Variants in PKIA observed in about 807,000 individuals in gnomAD.
PKIA encodes the protein PKI-alpha.
A neutral mutation model predicts 7.6 loss-of-function variants in PKIA; 4 were observed. That is an observed-to-expected ratio of 0.52 (90% CI 0.26 to 1.20). The LOEUF (loss-of-function observed/expected upper bound fraction) is 1.20, where lower values mean the gene tolerates loss of function less well. PKIA is among the 50% of genes most tolerant of loss of function. The probability of loss-of-function intolerance (pLI) is 0.13; values close to 1 mark genes in which losing one functional copy is unlikely to be tolerated. For missense variants in PKIA, 73 were observed against 86.2 expected (o/e 0.85, Z 0.61); for synonymous variants, 21 against 30.7 (o/e 0.68, Z 1.04).
At chr8:78,565,728 T>G (rs572497024) in intron 1 of PKIA, among the ~76,000 whole-genome samples, 2 of 152,054 alleles carry the variant, frequency 1.3e-5, no homozygotes, top group East Asian at 3.9e-4. Flanking sequence ...ATAATGTTTA[T>G]AGTTTCTTTT....
chr8:78,520,271 G>A (rs1293586408), intron 1 of PKIA, among the ~76,000 whole-genome samples: 1 of 152,160 alleles, frequency 6.6e-6, no homozygotes. Context: ...TATACTGAGA[G>A]TACATTCAAA....
intron 2 of PKIA, among the ~76,000 whole-genome samples, chr8:78,592,197 T>C (rs915632867): frequency 6.6e-6 from 1 of 152,110 alleles, no homozygotes; most frequent in Non-Finnish European, 1.5e-5. Context: ...AAAAGCACTA[T>C]AATCATAGAG....
chr8:78,521,873 T>C (rs1356211205), intron 1 of PKIA, among the ~76,000 whole-genome samples: 1 of 151,940 alleles, frequency 6.6e-6, no homozygotes, highest in Non-Finnish European at 1.5e-5. Flanking sequence ...GTTCATTTCC[T>C]CAGCCCCTGG....
chr8:78,594,331 A>T (rs1033138548), intron 2 of PKIA, among the ~76,000 whole-genome samples: 1 of 152,038 alleles, frequency 6.6e-6, no homozygotes, highest in African/African-American at 2.4e-5. Context: ...TTATTCTAAA[A>T]CATACCATGT....
At chr8:78,585,761 ATACT>A (rs1006872650) in intron 2 of PKIA, among the ~76,000 whole-genome samples, 9 of 152,182 alleles carry the variant, frequency 5.9e-5, no homozygotes, top group African/African-American at 2.2e-4. Context: ...TGTACAGAAA[ATACT>A]TGCTTGCAGA....
chr8:78,603,041 T>A lies in PKIA; in HGVS notation c.*1220T>A, dbSNP rs922116354. 6 of 152,570 alleles carry A rather than the reference T, an allele frequency of 3.9e-5. No individual in the cohort carries two copies. In the Admixed American group the frequency reaches 3.9e-4, roughly 10 times the overall value. The allele number at this position is 152,570 out of a possible 1,614,324, so 9.5% of individuals were successfully genotyped here. On this transcript the variant is annotated 3_prime_UTR_variant, in exon 4 of 4. Transcript: ENST00000396418. Reference sequence around the variant, plus strand: ...ATAATTAGTGTGAATTGCATTCTGATACAATAATGATTATCATTAGAAGCT... The same window carrying A: ...ATAATTAGTGTGAATTGCATTCTGAAACAATAATGATTATCATTAGAAGCT...
intron 2 of PKIA, among the ~76,000 whole-genome samples, chr8:78,579,141 C>T (rs973273863): frequency 6.6e-6 from 1 of 151,970 alleles, no homozygotes; most frequent in African/African-American, 2.4e-5. Context: ...CTGGATCCCT[C>T]TACCTCTCAC....
At chr8:78,586,761 T>G (rs1306374659) in intron 2 of PKIA, among the ~76,000 whole-genome samples, 3 of 152,134 alleles carry the variant, frequency 2.0e-5, no homozygotes, top group Admixed American at 2.0e-4. Flanking sequence ...GTGAAGGAAG[T>G]TTATACCCCA....
In PKIA at chr8:78,591,919, C is replaced by T. The variant is rs117953962; in HGVS notation, c.-27-6439C>T. 3.5e-3 allele frequency among the ~76,000 whole-genome samples: 527 copies of T among 152,190 alleles called. 2 individuals are homozygous for T. Among genetic ancestry groups the T allele is most frequent in the Middle Eastern group, 6.8e-3 (2 of 294 alleles). On this transcript the variant is annotated intron_variant, in intron 2 of 3. Coordinates refer to ENST00000396418, the MANE Select transcript of PKIA (RefSeq NM_006823.4). ...GCTAGTTGCTGGTCTACTAAACTTC[C>T]GTCTGCTGCTGACATTTATTTGACT...
intron 1 of PKIA, among the ~76,000 whole-genome samples, chr8:78,540,671 C>T (rs1470842114): frequency 6.6e-6 from 1 of 151,788 alleles, no homozygotes; most frequent in Non-Finnish European, 1.5e-5. Flanking sequence ...GCAGGGACTT[C>T]TTTCAGTTGT....
At chr8:78,568,816 G>T (rs531061913) in intron 1 of PKIA, among the ~76,000 whole-genome samples, 1 of 152,260 alleles carries the variant, frequency 6.6e-6, no homozygotes, top group African/African-American at 2.4e-5. Flanking sequence ...AAACCCTAAT[G>T]AAACCATAGG....
At chr8:78,596,817 T>C (rs1284245848) in intron 2 of PKIA, among the ~76,000 whole-genome samples, 3 of 152,222 alleles carry the variant, frequency 2.0e-5, no homozygotes, top group African/African-American at 7.2e-5. Context: ...CATTTAAGTC[T>C]TTAATCAATT....
chr8:78,520,173 C>T (rs1001607522), intron 1 of PKIA, among the ~76,000 whole-genome samples: 8 of 152,134 alleles, frequency 5.3e-5, no homozygotes, highest in African/African-American at 1.9e-4. Context: ...AATCTATCTA[C>T]CTACACTCCT....
intron 1 of PKIA, chr8:78,534,167 T>C (rs1407602207): frequency 1.3e-5 from 2 of 152,096 alleles, no homozygotes; most frequent in Non-Finnish European, 1.5e-5. Context: ...ATTAGGTTAT[T>C]CCAGTGATAA....
chr8:78,551,699 A>T (rs1806987294), intron 1 of PKIA, among the ~76,000 whole-genome samples: 1 of 151,980 alleles, frequency 6.6e-6, no homozygotes, highest in African/African-American at 2.4e-5. Flanking sequence ...ATCTGAAGGG[A>T]GTGTCAACAC....
intron 1 of PKIA, among the ~76,000 whole-genome samples, chr8:78,529,438 C>G (rs1426547426): frequency 6.6e-6 from 1 of 151,994 alleles, no homozygotes; most frequent in Non-Finnish European, 1.5e-5. Flanking sequence ...TTTATATCTA[C>G]CACTTCACTT....
chr8:78,550,811 T>C (rs1421032745), intron 1 of PKIA, among the ~76,000 whole-genome samples: 3 of 152,006 alleles, frequency 2.0e-5, no homozygotes, highest in Non-Finnish European at 4.4e-5. Context: ...CTTCACCCCC[T>C]TCCCACCCTT....
At chr8:78,598,649 T>A in intron 3 of PKIA, 114 bp downstream of exon 3, 2 of 783,318 alleles carry the variant, frequency 2.6e-6, no homozygotes, top group Non-Finnish European at 4.2e-6. Flanking sequence ...TAAAGAGTTT[T>A]AAACAATCTA....
chr8:78,578,038 T>TCAC (rs2130189050), intron 2 of PKIA, among the ~76,000 whole-genome samples: 1 of 152,130 alleles, frequency 6.6e-6, no homozygotes, highest in African/African-American at 2.4e-5. Context: ...ATGTAAGATA[T>TCAC]CACTGGTAAG....
Sources: allele counts gnomAD v4.1 joint callset (sites outside exome capture counted in the v4.1 genomes callset), GRCh38; gene constraint gnomAD v4.1.1; transcripts MANE v1.5; gene names NCBI Gene and HGNC (gene_info 2026-07-23, HGNC 2026-07-21).